Variants in BRINP3 observed in about 807,000 individuals in gnomAD.
BRINP3 encodes the protein BMP/retinoic acid-inducible neural-specific protein 3.
A neutral mutation model predicts 71.0 loss-of-function variants in BRINP3; 19 were observed. The observed-to-expected ratio is 0.27, with a 90% CI of 0.19 to 0.39. The LOEUF (loss-of-function observed/expected upper bound fraction) is 0.39, where lower values mean the gene tolerates loss of function less well. Ranked by LOEUF, BRINP3 falls within the 10% of genes least tolerant of loss-of-function variation. BRINP3 has a pLI of 1.00. For synonymous variants in BRINP3, 380 were observed against 337.7 expected, an observed-to-expected ratio of 1.13 and a Z score of -1.37; for missense variants, 959 against 940.8, an observed-to-expected ratio of 1.02 and a Z score of -0.25.
intron 6 of BRINP3, among the ~76,000 whole-genome samples, chr1:190,166,913 C>T (rs1019985552): frequency 2.0e-5 from 3 of 151,868 alleles, no homozygotes; most frequent in African/African-American, 7.3e-5. Context: ...TTAGTAGAGA[C>T]GGGGATTCAC....
intron 7 of BRINP3, among the ~76,000 whole-genome samples, chr1:190,123,999 T>C (rs1358849335): frequency 6.6e-6 from 1 of 152,140 alleles, no homozygotes; most frequent in Non-Finnish European, 1.5e-5. Context: ...GATTCTGAAG[T>C]CATTTGAAAT....
At chr1:190,386,121 C>A (rs1670882604) in intron 2 of BRINP3, among the ~76,000 whole-genome samples, 1 of 145,130 alleles carries the variant, frequency 6.9e-6, no homozygotes, top group African/African-American at 2.5e-5. Context: ...GGGAGATATA[C>A]ATAATGCTAG....
At chr1:190,178,943 G>A (rs1245799357) in intron 6 of BRINP3, among the ~76,000 whole-genome samples, 1 of 151,966 alleles carries the variant, frequency 6.6e-6, no homozygotes, top group Non-Finnish European at 1.5e-5. Context: ...TATCAGCTTG[G>A]TAGAAATAAC....
chr1:190,386,205 A>T (rs112327689), intron 2 of BRINP3, among the ~76,000 whole-genome samples: 4,387 of 149,868 alleles, frequency 0.029, 219 homozygotes, highest in African/African-American at 0.1. Context: ...CAATGTGCAC[A>T]TGTACCCTAA....
intron 2 of BRINP3, among the ~76,000 whole-genome samples, chr1:190,285,340 A>G (rs1276663207): frequency 6.6e-6 from 1 of 152,160 alleles, no homozygotes; most frequent in African/African-American, 2.4e-5. Context: ...ATGAATTGTG[A>G]GCATGTATGT....
At chr1:190,433,750 T>A (rs1674262305) in intron 2 of BRINP3, among the ~76,000 whole-genome samples, 1 of 152,248 alleles carries the variant, frequency 6.6e-6, no homozygotes, top group African/African-American at 2.4e-5. Flanking sequence ...ATCAATCTTG[T>A]AATTGCTCCT....
intron 1 of BRINP3, among the ~76,000 whole-genome samples, chr1:190,457,067 C>T (rs1312695894): frequency 1.3e-5 from 2 of 151,998 alleles, no homozygotes; most frequent in African/African-American, 4.8e-5. Context: ...ACCAATATAG[C>T]AAATTAGGAT....
Position 190,226,283 on chromosome 1 carries a change from G to C in BRINP3, c.760C>G (p.Arg254Gly). The change falls in exon 6 of 8, where the codon CGT becomes GGT. Residue 254 changes from arginine to glycine, a missense_variant. By Grantham distance (125) the Arg-to-Gly change is moderately radical (BLOSUM62 -2). Coordinates refer to ENST00000367462, the MANE Select transcript of BRINP3 (RefSeq NM_199051.3). The part of the protein sequence containing the change: ...QVLLPDYLQE[R>G]FVQAALSYIA... ...TAGCTCAAAGCTGCTTGTACAAAACGTTCCTGAAGATAGTCTGGGAGAAGT... is the reference window on the plus strand; with the variant it reads ...TAGCTCAAAGCTGCTTGTACAAAACCTTCCTGAAGATAGTCTGGGAGAAGT... 1 of 1,607,088 alleles carries C rather than the reference G, an allele frequency of 6.2e-7. No homozygotes were observed. Among genetic ancestry groups the C allele is most frequent in the Non-Finnish European group, 8.5e-7 (1 of 1,176,372 alleles).
intron 4 of BRINP3, among the ~76,000 whole-genome samples, chr1:190,243,221 A>G (rs1180400626): frequency 6.6e-6 from 1 of 152,128 alleles, no homozygotes; most frequent in Non-Finnish European, 1.5e-5. Context: ...AAGTTGCCAA[A>G]TAACATCAGG....
chr1:190,298,415 C>G (rs1344195862), intron 2 of BRINP3, among the ~76,000 whole-genome samples: 2 of 151,478 alleles, frequency 1.3e-5, no homozygotes, highest in Non-Finnish European at 2.9e-5. Flanking sequence ...GAGGAGGGAG[C>G]ATATTATTGG....
chr1:190,129,545 C>A (rs1310183342), intron 7 of BRINP3, among the ~76,000 whole-genome samples: 1 of 151,852 alleles, frequency 6.6e-6, no homozygotes, highest in African/African-American at 2.4e-5. Flanking sequence ...TTTCTGAACA[C>A]TAAGGACAAT....
chr1:190,272,041 G>A (rs1662153375), intron 3 of BRINP3, among the ~76,000 whole-genome samples: 1 of 151,466 alleles, frequency 6.6e-6, no homozygotes, highest in African/African-American at 2.4e-5. Flanking sequence ...ATAGTAAAAT[G>A]ATGGTCTAAC....
At chr1:190,294,706 A>G (rs1026767956) in intron 2 of BRINP3, among the ~76,000 whole-genome samples, 5 of 151,974 alleles carry the variant, frequency 3.3e-5, no homozygotes, top group Admixed American at 6.6e-5. Context: ...GCATTGAAAA[A>G]TTAGGTATTT....
At chr1:190,206,748 G>T (rs929608763) in intron 6 of BRINP3, among the ~76,000 whole-genome samples, 1 of 152,070 alleles carries the variant, frequency 6.6e-6, no homozygotes, top group East Asian at 1.9e-4. Flanking sequence ...GATGAAAAAT[G>T]GTTAAGGGTT....
chr1:190,449,803 C>A (rs1278363974), intron 2 of BRINP3, among the ~76,000 whole-genome samples: 1 of 151,996 alleles, frequency 6.6e-6, no homozygotes, highest in Non-Finnish European at 1.5e-5. Context: ...ACAATCTGAA[C>A]AAGAAAGTCC....
intron 4 of BRINP3, among the ~76,000 whole-genome samples, chr1:190,241,465 TTCTCTCTCTC>T (rs151215200): frequency 1.3e-5 from 2 of 149,002 alleles, no homozygotes; most frequent in Non-Finnish European, 3.0e-5. Flanking sequence ...ATGTAATTAA[TTCTCTCTCTC>T]TCTCTCTCTC....
chr1:190,120,283 TC>T (rs1653530460), intron 7 of BRINP3, among the ~76,000 whole-genome samples: 1 of 152,150 alleles, frequency 6.6e-6, no homozygotes, highest in South Asian at 2.1e-4. Context: ...GTAAAGTACT[TC>T]ATAATAAAAT....
intron 2 of BRINP3, among the ~76,000 whole-genome samples, chr1:190,408,103 G>A (rs1672412096): frequency 7.4e-6 from 1 of 134,770 alleles, no homozygotes; most frequent in Non-Finnish European, 1.5e-5. Flanking sequence ...CTCACTGCAA[G>A]CTCCGCCTCC....
intron 2 of BRINP3, among the ~76,000 whole-genome samples, chr1:190,355,361 C>T (rs1317907001): frequency 6.6e-6 from 1 of 151,768 alleles, no homozygotes; most frequent in African/African-American, 2.4e-5. Flanking sequence ...GAACACCACT[C>T]ATAAGATTTG....
Sources: gnomAD v4.1 joint callset for allele counts (sites outside exome capture counted in the v4.1 genomes callset) on GRCh38, gnomAD v4.1.1 for gene constraint, MANE v1.5 for transcripts, NCBI Gene and HGNC (gene_info 2026-07-23, HGNC 2026-07-21) for gene names.